The following ESRRG variants were observed in gnomAD, a reference collection of about 807,000 sequenced individuals.
The protein encoded by ESRRG is estrogen-related receptor gamma.
ESRRG carries 13 observed loss-of-function variants against 44.0 expected under a neutral mutation model. The observed-to-expected ratio is 0.30, with a 90% confidence interval of 0.19 to 0.47. The LOEUF (loss-of-function observed/expected upper bound fraction) is 0.47, where lower values mean the gene tolerates loss of function less well. Ranked by LOEUF, ESRRG falls within the 20% of genes least tolerant of loss-of-function variation. The pLI is 1.00. For synonymous variants in ESRRG, 215 were observed against 214.6 expected (o/e 1.00, Z -0.02); for missense variants, 395 against 580.6 (o/e 0.68, Z 3.29).
intron 2 of ESRRG, among the ~76,000 whole-genome samples, chr1:216,865,412 AC>A (rs564552115): frequency 1.3e-3 from 191 of 151,982 alleles, no homozygotes; most frequent in African/African-American, 4.3e-3. Flanking sequence ...ACCATCCTTG[AC>A]AACTGTCCAT....
intron 1 of ESRRG, among the ~76,000 whole-genome samples, chr1:216,715,907 CA>C (rs1353212973): frequency 3.9e-5 from 6 of 151,928 alleles, no homozygotes; most frequent in Admixed American, 1.3e-4. Context: ...TTATCATTTA[CA>C]AAGGTATTGT....
chr1:216,607,156 C>T (rs2060040302), intron 3 of ESRRG, among the ~76,000 whole-genome samples: 1 of 152,122 alleles, frequency 6.6e-6, no homozygotes, highest in South Asian at 2.1e-4. Flanking sequence ...CTTGTCTATT[C>T]CAATGACATT....
chr1:217,031,392 G>A (rs992452788), intron 1 of ESRRG, among the ~76,000 whole-genome samples: 85 of 152,134 alleles, frequency 5.6e-4, no homozygotes, highest in African/African-American at 1.9e-3. Flanking sequence ...GAGGAGAATC[G>A]CAGAAAGAGA....
At chr1:217,004,868 T>G (rs6698021) in intron 1 of ESRRG, among the ~76,000 whole-genome samples, 4,757 of 152,228 alleles carry the variant, frequency 0.031, 233 homozygotes, top group African/African-American at 0.1. Flanking sequence ...ATCACGGGAC[T>G]AAAAATAGTA....
chr1:216,640,094 C>T (rs867944510), intron 3 of ESRRG, among the ~76,000 whole-genome samples: 1 of 152,202 alleles, frequency 6.6e-6, no homozygotes, highest in African/African-American at 2.4e-5. Flanking sequence ...GGGTCAGTTA[C>T]TACTGTGCTG....
chr1:216,704,035 A>C (rs1372282551), intron 1 of ESRRG, among the ~76,000 whole-genome samples: 2 of 152,204 alleles, frequency 1.3e-5, no homozygotes, highest in African/African-American at 4.8e-5. Context: ...AAAAATATAA[A>C]AAGGATTACT....
At position 217,119,568 on chromosome 1, in the gene ESRRG, T is replaced by C. The variant is rs544105956; in HGVS notation, c.-230+18099A>G. Reference sequence around the variant, plus strand: ...CCCTTTTCCTGTGAATTCATTCTAATTTCATTTTGTCCTGCAGCATAAGGG... The same window carrying C: ...CCCTTTTCCTGTGAATTCATTCTAACTTCATTTTGTCCTGCAGCATAAGGG... On this transcript the variant is annotated intron_variant, in intron 1 of 8. Coordinates refer to the ESRRG transcript ENST00000366940. 2.0e-5 allele frequency among the ~76,000 whole-genome samples: 3 copies of C among 152,364 alleles called. No homozygotes were observed. In the South Asian group the frequency reaches 6.2e-4, roughly 32 times the overall value.
intron 3 of ESRRG, among the ~76,000 whole-genome samples, chr1:216,609,519 C>T (rs920789095): frequency 6.6e-6 from 1 of 152,114 alleles, no homozygotes; most frequent in African/African-American, 2.4e-5. Flanking sequence ...CCTGTATTTC[C>T]ACTTCTTTCT....
rs146196007 is a variant in ESRRG at position 216,841,656 on chromosome 1, C to T, written c.-14+97926G>A. Among the ~76,000 whole-genome samples the T allele has an allele frequency of 7.5e-4, 114 of 152,186 alleles. No individual in the cohort carries two copies. The Middle Eastern group carries it at 0.024, about 32-fold the overall frequency. On this transcript the variant is annotated intron_variant, in intron 2 of 7. Transcript: ENST00000359162. ...AGACAGGTAGCTTATGGCAGGTTTACTTTATCACGCCAGCACCTCTTAACC... is the reference window on the plus strand; with the variant it reads ...AGACAGGTAGCTTATGGCAGGTTTATTTTATCACGCCAGCACCTCTTAACC...
intron 1 of ESRRG, among the ~76,000 whole-genome samples, chr1:217,106,780 TC>T (rs1366689311): frequency 1.3e-5 from 2 of 152,080 alleles, no homozygotes; most frequent in African/African-American, 4.8e-5. Flanking sequence ...CTTGACAACC[TC>T]CTTTGCCTGA....
chr1:216,747,809 G>A (rs564022492), intron 2 of ESRRG, among the ~76,000 whole-genome samples: 24 of 152,216 alleles, frequency 1.6e-4, no homozygotes, highest in Admixed American at 5.9e-4. Context: ...TATGAAAACA[G>A]TATGTGGCAT....
At chr1:216,812,874 A>G (rs1027737977) in intron 2 of ESRRG, among the ~76,000 whole-genome samples, 1 of 152,168 alleles carries the variant, frequency 6.6e-6, no homozygotes, top group Non-Finnish European at 1.5e-5. Flanking sequence ...TTTAGGGTCT[A>G]TTTTCTATGC....
In ESRRG at chr1:216,896,167, T is replaced by G. The variant is rs191070419; in HGVS notation, c.-14+43415A>C. Reference sequence around the variant, plus strand: ...TATCTGGAAAAAAATAGGCTAAAATTTTAGCAGATCGATGCTAAGGGTCAT... The same window carrying G: ...TATCTGGAAAAAAATAGGCTAAAATGTTAGCAGATCGATGCTAAGGGTCAT... On this transcript the variant is annotated intron_variant, in intron 2 of 7. Transcript: ENST00000359162. Among the ~76,000 whole-genome samples, 260 of 152,264 alleles carry G rather than the reference T, an allele frequency of 1.7e-3. 1 individual carries two copies. Among genetic ancestry groups the G allele is most frequent in the African/African-American group, 5.1e-3 (213 of 41,552 alleles).
chr1:216,628,561 T>C (rs888015988), intron 3 of ESRRG, among the ~76,000 whole-genome samples: 4 of 152,170 alleles, frequency 2.6e-5, no homozygotes, highest in African/African-American at 9.7e-5. Flanking sequence ...TATTTTTAAA[T>C]TTGATTGGGG....
intron 3 of ESRRG, among the ~76,000 whole-genome samples, chr1:216,604,425 A>G (rs889699813): frequency 6.6e-6 from 1 of 152,158 alleles, no homozygotes; most frequent in Non-Finnish European, 1.5e-5. Flanking sequence ...CCAACTGTCA[A>G]TGTCAGGGCA....
chr1:216,516,487 C>G (rs1438869839), intron 6 of ESRRG, among the ~76,000 whole-genome samples: 1 of 151,960 alleles, frequency 6.6e-6, no homozygotes, highest in South Asian at 2.1e-4. Context: ...TTAAAATAAG[C>G]TAAAATTTAA....
At chr1:217,085,931 C>A (rs964057902) in intron 1 of ESRRG, among the ~76,000 whole-genome samples, 7 of 152,092 alleles carry the variant, frequency 4.6e-5, no homozygotes, top group African/African-American at 1.7e-4. Context: ...CAGTGCCAAC[C>A]TAAAAACTGA....
At chr1:216,683,584 C>A (rs1037996018) in intron 1 of ESRRG, among the ~76,000 whole-genome samples, 29 of 152,104 alleles carry the variant, frequency 1.9e-4, no homozygotes, top group African/African-American at 5.8e-4. Context: ...TAGAGCCAGC[C>A]CCCTATAAAG....
intron 2 of ESRRG, among the ~76,000 whole-genome samples, chr1:216,938,346 T>C (rs1355948420): frequency 2.0e-5 from 3 of 152,194 alleles, no homozygotes; most frequent in Admixed American, 2.0e-4. Context: ...ATCACTAATA[T>C]TTAAAACTAA....
Sources: gnomAD v4.1 joint callset for allele counts (sites outside exome capture counted in the v4.1 genomes callset) on GRCh38, gnomAD v4.1.1 for gene constraint, MANE v1.5 for transcripts, NCBI Gene and HGNC (gene_info 2026-07-23, HGNC 2026-07-21) for gene names.